Variants in ADARB2 observed in about 807,000 individuals in gnomAD.
The protein encoded by ADARB2 is inactive double-stranded RNA-specific editase B2.
ADARB2 carries 25 observed loss-of-function variants against 62.2 expected under a neutral mutation model. The ratio of observed to expected loss-of-function variants is 0.40; its 90% confidence interval spans 0.29 to 0.56. ADARB2 has a LOEUF of 0.56. Ranked by LOEUF, ADARB2 falls within the 20% of genes least tolerant of loss-of-function variation. The pLI is 0.43. For synonymous variants in ADARB2, 572 were observed against 500.8 expected (o/e 1.14, Z -1.90); for missense variants, 1,071 against 1,077.4 (o/e 0.99, Z 0.08).
rs1316152242 is a variant in ADARB2 at position 1,547,745 on chromosome 10, C to T, written c.101-168585G>A. Reference sequence around the variant, plus strand: ...GGGAGAGAGGCTGTGCAAGTCTACGCACTGTGTTGGGGGGAGAGGCTGCAC... The same window carrying T: ...GGGAGAGAGGCTGTGCAAGTCTACGTACTGTGTTGGGGGGAGAGGCTGCAC... On this transcript the variant is annotated intron_variant, in intron 1 of 9. Coordinates refer to ENST00000381312, the MANE Select transcript of ADARB2 (RefSeq NM_018702.4). 3.3e-4 allele frequency among the ~76,000 whole-genome samples: 28 copies of T among 83,844 alleles called. 1 individual carries two copies. The highest frequency in any genetic ancestry group is 1.2e-3 in the African/African-American group (27 of 22,082). 55.0% of individuals were successfully genotyped at this position (83,844 alleles called of 152,430 possible).
At chr10:1,342,350 C>A (rs1832037697) in intron 3 of ADARB2, among the ~76,000 whole-genome samples, 1 of 152,206 alleles carries the variant, frequency 6.6e-6, no homozygotes, top group South Asian at 2.1e-4. Context: ...CCAACAGGGC[C>A]TTGACTCTGA....
At chr10:1,570,914 C>T (rs1210189664) in intron 1 of ADARB2, among the ~76,000 whole-genome samples, 1 of 152,102 alleles carries the variant, frequency 6.6e-6, no homozygotes, top group Non-Finnish European at 1.5e-5. Context: ...GAGGCTGCTG[C>T]TCCAATCATC....
At chr10:1,231,130 G>T (rs1448158261) in intron 6 of ADARB2, among the ~76,000 whole-genome samples, 1 of 152,062 alleles carries the variant, frequency 6.6e-6, no homozygotes, top group East Asian at 1.9e-4. Flanking sequence ...CGTGGACAAG[G>T]CTCCTGCTGT....
intron 8 of ADARB2, among the ~76,000 whole-genome samples, chr10:1,198,319 C>T (rs1836937925): frequency 1.3e-5 from 2 of 152,254 alleles, no homozygotes; most frequent in Non-Finnish European, 2.9e-5. Context: ...TGCAAACTGA[C>T]CTTGAGGGAA....
Position 1,483,634 on chromosome 10 carries a change from C to T in ADARB2, c.101-104474G>A, listed in dbSNP as rs114322475. On this transcript the variant is annotated intron_variant, in intron 1 of 9. Transcript: ENST00000381312. ...TCTGGTCTTTCAGTGGTGCTCTTTA[C>T]CTGATAATACCCAGAAAGTCAGTTT... 3.4e-3 allele frequency among the ~76,000 whole-genome samples: 259 copies of T among 76,330 alleles called. 1 individual carries two copies. Among genetic ancestry groups the T allele is most frequent in the African/African-American group, 0.014 (243 of 17,522 alleles). The allele number at this position is 76,330 out of a possible 152,430, so 50.1% of individuals were successfully genotyped here.
rs57536419 is a variant in ADARB2 at position 1,633,549 on chromosome 10, C to CATCTATCTATCT, written c.100+103490_100+103501dup. On this transcript the variant is annotated intron_variant, in intron 1 of 9. Transcript: ENST00000381312. ...TCTGTCTGTCTGTCTGTCTATCTAT[C>CATCTATCTATCT]ATCTATCTATCTATCTATCTATCTA... is the stretch of plus-strand genomic sequence containing the variant. 8.6e-3 allele frequency among the ~76,000 whole-genome samples: 871 copies of CATCTATCTATCT among 101,678 alleles called. 20 individuals are homozygous for CATCTATCTATCT. The highest frequency in any genetic ancestry group is 0.014 in the East Asian group (47 of 3,304). The allele number at this position is 101,678 out of a possible 152,430, so 66.7% of individuals were successfully genotyped here.
chr10:1,635,616 T>G (rs1317024436), intron 1 of ADARB2, among the ~76,000 whole-genome samples: 1 of 152,210 alleles, frequency 6.6e-6, no homozygotes. Context: ...AGCCTCACGT[T>G]GGATTAGGTT....
intron 3 of ADARB2, among the ~76,000 whole-genome samples, chr10:1,357,145 A>T (rs1832203666): frequency 6.6e-6 from 1 of 152,204 alleles, no homozygotes; most frequent in African/African-American, 2.4e-5. Context: ...AGGACACTGC[A>T]AAGATGCTTG....
chr10:1,326,738 G>C (rs1000837749), intron 3 of ADARB2, among the ~76,000 whole-genome samples: 1 of 107,748 alleles, frequency 9.3e-6, no homozygotes, highest in East Asian at 3.1e-4. Context: ...CCCATGGCAC[G>C]GCGCCTCCCG....
chr10:1,285,690 C>T (rs1251608579), intron 3 of ADARB2, among the ~76,000 whole-genome samples: 7 of 152,072 alleles, frequency 4.6e-5, no homozygotes, highest in Admixed American at 4.6e-4. Context: ...CCTATTGGCT[C>T]CGATTACCAT....
chr10:1,664,335 C>T (rs1834287454), intron 1 of ADARB2, among the ~76,000 whole-genome samples: 1 of 152,148 alleles, frequency 6.6e-6, no homozygotes, highest in Admixed American at 6.5e-5. Context: ...TATGCACTTG[C>T]TGAATCGTAT....
intron 3 of ADARB2, among the ~76,000 whole-genome samples, chr10:1,335,330 G>A (rs1003051214): frequency 6.6e-5 from 10 of 150,584 alleles, no homozygotes; most frequent in African/African-American, 2.2e-4. Context: ...AGGGATGAAG[G>A]GAGAGATGGA....
intron 1 of ADARB2, among the ~76,000 whole-genome samples, chr10:1,405,366 G>A (rs534174520): frequency 3.3e-5 from 5 of 152,076 alleles, no homozygotes; most frequent in African/African-American, 4.8e-5. Flanking sequence ...TGGCTCTAGC[G>A]CCTCCACAAA....
At chr10:1,199,198 G>A (rs954448854) in intron 8 of ADARB2, among the ~76,000 whole-genome samples, 2 of 150,558 alleles carry the variant, frequency 1.3e-5, no homozygotes, top group Non-Finnish European at 3.0e-5. Context: ...TGAGGCTGGC[G>A]GTGATTCGGA....
intron 1 of ADARB2, among the ~76,000 whole-genome samples, chr10:1,437,350 A>G (rs1830845243): frequency 1.3e-5 from 2 of 151,678 alleles, no homozygotes; most frequent in Non-Finnish European, 2.9e-5. Flanking sequence ...GTAGCTTATT[A>G]TGTCGTTTCT....
At chr10:1,730,842 T>C (rs1010109795) in intron 1 of ADARB2, among the ~76,000 whole-genome samples, 3 of 152,218 alleles carry the variant, frequency 2.0e-5, no homozygotes, top group Non-Finnish European at 1.5e-5. Flanking sequence ...AATTCCAATA[T>C]ATATGTATTT....
intron 4 of ADARB2, among the ~76,000 whole-genome samples, chr10:1,247,388 G>T (rs1830995921): frequency 6.6e-6 from 1 of 152,170 alleles, no homozygotes; most frequent in Non-Finnish European, 1.5e-5. Context: ...TGGTGAGAGA[G>T]GGCATCCCTG....
intron 1 of ADARB2, among the ~76,000 whole-genome samples, chr10:1,684,499 A>G (rs190557754): frequency 1.5e-4 from 23 of 152,332 alleles, no homozygotes; most frequent in African/African-American, 5.5e-4. Flanking sequence ...TTCAAACAGA[A>G]AGAATGAATG....
intron 1 of ADARB2, among the ~76,000 whole-genome samples, chr10:1,541,776 G>A (rs369166979): frequency 2.6e-3 from 57 of 21,924 alleles, no homozygotes; most frequent in African/African-American, 9.4e-3. Flanking sequence ...GACGCAGTTC[G>A]GACCCTGGAT....
Sources: allele counts gnomAD v4.1 joint callset (sites outside exome capture counted in the v4.1 genomes callset), GRCh38; gene constraint gnomAD v4.1.1; transcripts MANE v1.5; gene names NCBI Gene and HGNC (gene_info 2026-07-23, HGNC 2026-07-21).